The following TENM1 variants were observed in gnomAD, a reference collection of about 807,000 sequenced individuals.
TENM1 encodes the protein teneurin transmembrane protein 1.
Under a neutral mutation model 174.8 loss-of-function variants are expected in TENM1, and 35 were observed. The ratio of observed to expected loss-of-function variants is 0.20; its 90% CI spans 0.15 to 0.27. The LOEUF is 0.27. Ranked by LOEUF, TENM1 falls within the 10% of genes least tolerant of loss-of-function variation. The probability of loss-of-function intolerance (pLI) is 1.00; values close to 1 mark genes in which losing one functional copy is unlikely to be tolerated. For synonymous variants in TENM1, 781 were observed against 798.7 expected (o/e 0.98, Z 0.37); for missense variants, 1,633 against 2,130.1 (o/e 0.77, Z 4.59).
chrX:125,114,418 C>T, the TENM1 span, among the ~76,000 whole-genome samples: 1 of 100,034 alleles, frequency 1.0e-5, no homozygotes, highest in South Asian at 3.9e-4. Flanking sequence ...GATAGAGACA[C>T]GAAAAAACCT....
At chrX:124,867,222 T>C (rs1411377540) in intron 3 of TENM1, among the ~76,000 whole-genome samples, 5 of 111,849 alleles carry the variant, frequency 4.5e-5, no homozygotes, top group African/African-American at 1.6e-4. Context: ...CTGATGAATA[T>C]TGATGCAAAA....
At chrX:124,816,391 T>C (rs111255718) in intron 3 of TENM1, among the ~76,000 whole-genome samples, 231 of 112,313 alleles carry the variant, frequency 2.1e-3, no homozygotes, top group African/African-American at 6.7e-3. Flanking sequence ...TATACAATAG[T>C]TCAACATAGG....
the TENM1 span, among the ~76,000 whole-genome samples, chrX:125,046,633 C>T: frequency 8.9e-6 from 1 of 111,959 alleles, no homozygotes; most frequent in Non-Finnish European, 1.9e-5. Context: ...AGGTCAAAAA[C>T]GAACTGGCAA....
chrX:125,001,169 A>T, the TENM1 span, among the ~76,000 whole-genome samples: 2 of 110,958 alleles, frequency 1.8e-5, no homozygotes, highest in Non-Finnish European at 3.8e-5. Flanking sequence ...AGAGAGTCCA[A>T]GCACCAGAAA....
chrX:124,663,296 G>C (rs2148417816), intron 6 of TENM1, among the ~76,000 whole-genome samples: 1 of 111,698 alleles, frequency 9.0e-6, no homozygotes, highest in East Asian at 2.8e-4. Flanking sequence ...GACATGTGTA[G>C]GCTAAAAAAG....
At chrX:124,867,405 T>C (rs751712615) in intron 3 of TENM1, among the ~76,000 whole-genome samples, 61 of 112,077 alleles carry the variant, frequency 5.4e-4, no homozygotes, top group African/African-American at 1.9e-3. Flanking sequence ...TCATTTCAAT[T>C]GATGCTGAAA....
At position 124,800,128 on chromosome X, in the gene TENM1, G is replaced by A. The variant is rs570313619; in HGVS notation, c.536-62931C>T. Among the ~76,000 whole-genome samples the A allele has an allele frequency of 9.8e-5, 11 of 111,849 alleles. No individual in the cohort carries two copies. In the South Asian group the frequency reaches 4.1e-3, roughly 42 times the overall value. ...GATGCTGGCCTCATAAAATGAGTTA[G>A]GGTGGAGTCCCTCCTTTTCAATTAC... On this transcript the variant is annotated intron_variant, in intron 3 of 31. Coordinates refer to ENST00000422452, the Ensembl canonical transcript of TENM1.
At chrX:124,685,219 GA>G (rs976856032) in intron 5 of TENM1, among the ~76,000 whole-genome samples, 3 of 111,808 alleles carry the variant, frequency 2.7e-5, no homozygotes, top group Non-Finnish European at 5.6e-5. Context: ...TAAAATGCCT[GA>G]AAAATAATTC....
At chrX:124,852,794 T>C (rs2056746426) in intron 3 of TENM1, among the ~76,000 whole-genome samples, 1 of 111,530 alleles carries the variant, frequency 9.0e-6, no homozygotes, top group African/African-American at 3.3e-5. Flanking sequence ...TGGTGAACAC[T>C]GATACCTTTC....
chrX:125,192,849 A>G, the TENM1 span, among the ~76,000 whole-genome samples: 1 of 112,053 alleles, frequency 8.9e-6, no homozygotes. Flanking sequence ...AGTGTACAAT[A>G]CAGTATTGTT....
At chrX:124,519,819 A>G (rs2047800536) in intron 18 of TENM1, among the ~76,000 whole-genome samples, 2 of 111,533 alleles carry the variant, frequency 1.8e-5, no homozygotes, top group Non-Finnish European at 3.8e-5. Context: ...ATATGAAATT[A>G]TGGTAGTGGT....
At position 124,885,957 on chromosome X, in the gene TENM1, T is replaced by C. The variant is rs192010370; in HGVS notation, c.535+8339A>G. 9.8e-5 allele frequency among the ~76,000 whole-genome samples: 11 copies of C among 111,831 alleles called. No homozygotes were observed. The East Asian group carries it at 3.1e-3, about 31-fold the overall frequency. On this transcript the variant is annotated intron_variant, in intron 3 of 31. Coordinates refer to ENST00000422452, the Ensembl canonical transcript of TENM1. Reference sequence around the variant, plus strand: ...AAATTAACTCTGACCAGCAATCTCATGAATATCTATCAAAAGTGAAAAGAT... The same window carrying C: ...AAATTAACTCTGACCAGCAATCTCACGAATATCTATCAAAAGTGAAAAGAT...
intron 14 of TENM1, among the ~76,000 whole-genome samples, chrX:124,553,024 G>T (rs2048610488): frequency 9.0e-6 from 1 of 110,529 alleles, no homozygotes. Context: ...TATATTTATG[G>T]GGTACTTGAG....
chrX:124,385,188 C>T (rs2060205175), intron 29 of TENM1, among the ~76,000 whole-genome samples: 1 of 112,376 alleles, frequency 8.9e-6, no homozygotes, highest in South Asian at 3.7e-4. Context: ...TTCATTTAAC[C>T]TTTGCTACAA....
At chrX:124,581,824 G>C (rs2049321200) in intron 11 of TENM1, among the ~76,000 whole-genome samples, 1 of 111,360 alleles carries the variant, frequency 9.0e-6, no homozygotes, top group African/African-American at 3.3e-5. Flanking sequence ...ATGTTTGTTG[G>C]CTACTTGTAT....
chrX:125,079,256 T>G, the TENM1 span, among the ~76,000 whole-genome samples: 1 of 111,736 alleles, frequency 8.9e-6, no homozygotes, highest in Non-Finnish European at 1.9e-5. Flanking sequence ...GAGTGGATCA[T>G]GGTGAAAGAG....
At chrX:124,984,317 TCTAC>T in the TENM1 span, among the ~76,000 whole-genome samples, 1 of 112,089 alleles carries the variant, frequency 8.9e-6, no homozygotes, top group East Asian at 2.8e-4. Flanking sequence ...TTTCTAGATG[TCTAC>T]CTGTCAACAC....
chrX:125,022,602 T>C, the TENM1 span, among the ~76,000 whole-genome samples: 1 of 111,440 alleles, frequency 9.0e-6, no homozygotes, highest in African/African-American at 3.3e-5. Flanking sequence ...CAGCCTCAAA[T>C]ATGATATATA....
chrX:124,995,119 C>A, the TENM1 span, among the ~76,000 whole-genome samples: 1 of 110,790 alleles, frequency 9.0e-6, no homozygotes. Flanking sequence ...TCCTAGAACA[C>A]TGTCCCTCCT....
Sources: allele counts gnomAD v4.1 joint callset (sites outside exome capture counted in the v4.1 genomes callset), GRCh38; gene constraint gnomAD v4.1.1; transcripts MANE v1.5; gene names NCBI Gene and HGNC (gene_info 2026-07-23, HGNC 2026-07-21).